Variants in DBF4B observed in about 807,000 individuals in gnomAD.
DBF4B encodes the protein protein DBF4 homolog B.
In DBF4B, 49 loss-of-function variants were observed where a neutral mutation model predicts 53.4. The ratio of observed to expected loss-of-function variants is 0.92; its 90% CI spans 0.73 to 1.16. The LOEUF (loss-of-function observed/expected upper bound fraction) is 1.16, where lower values mean the gene tolerates loss of function less well. Ranked by LOEUF, DBF4B falls within the 50% of genes most tolerant of loss-of-function variation. The pLI, the probability that DBF4B is intolerant of heterozygous loss-of-function variation, is 0.00. For synonymous variants in DBF4B, 257 were observed against 288.7 expected (o/e 0.89, Z 1.11); for missense variants, 692 against 775.0 (o/e 0.89, Z 1.27).
intron 2 of DBF4B, among the ~76,000 whole-genome samples, chr17:44,712,382 G>A (rs1297068170): frequency 8.0e-6 from 1 of 124,636 alleles, no homozygotes; most frequent in Non-Finnish European, 1.6e-5. Context: ...TCGGCTCACT[G>A]CAACCTCTGC....
At chr17:44,728,851 C>G (rs1974580413) in intron 3 of DBF4B, among the ~76,000 whole-genome samples, 1 of 151,990 alleles carries the variant, frequency 6.6e-6, no homozygotes. Flanking sequence ...AATCCCAACA[C>G]TTTGGGAGGC....
chr17:44,727,610 A>C (rs1974469530), intron 3 of DBF4B, among the ~76,000 whole-genome samples: 1 of 152,184 alleles, frequency 6.6e-6, no homozygotes, highest in Non-Finnish European at 1.5e-5. Flanking sequence ...CCATAATTAC[A>C]TTTTGAACTT....
At chr17:44,715,490 C>G (rs917295887) in intron 2 of DBF4B, among the ~76,000 whole-genome samples, 3 of 152,124 alleles carry the variant, frequency 2.0e-5, no homozygotes, top group Middle Eastern at 3.2e-3. Context: ...AGCCACCACA[C>G]CCGGCCAGTT....
At chr17:44,739,892 G>A (rs1157057889) in intron 9 of DBF4B, among the ~76,000 whole-genome samples, 15 of 152,126 alleles carry the variant, frequency 9.9e-5, no homozygotes, top group Admixed American at 9.8e-4. Context: ...TGCCTCCCGA[G>A]TAGCTGGGAC....
At chr17:44,715,450 G>C (rs929434719) in intron 2 of DBF4B, among the ~76,000 whole-genome samples, 4 of 151,828 alleles carry the variant, frequency 2.6e-5, no homozygotes, top group Non-Finnish European at 4.4e-5. Context: ...ACCCATCTCA[G>C]CCTCCCAAAG....
intron 2 of DBF4B, among the ~76,000 whole-genome samples, chr17:44,710,972 T>C (rs55716526): frequency 0.045 from 6,136 of 135,794 alleles, 226 homozygotes; most frequent in Non-Finnish European, 0.071. Flanking sequence ...TTTATTCCAG[T>C]TTGATTTTTT....
chr17:44,712,031 A>G (rs1040262498), intron 2 of DBF4B, among the ~76,000 whole-genome samples: 1 of 147,128 alleles, frequency 6.8e-6, no homozygotes, highest in African/African-American at 2.5e-5. Flanking sequence ...CAGGAGGTGG[A>G]GGTTGCAGTG....
At chr17:44,747,275 C>T (rs2049128825) in intron 11 of DBF4B, 84 bp downstream of exon 11, 1 of 1,594,096 alleles carries the variant, frequency 6.3e-7, no homozygotes, top group South Asian at 1.1e-5. Context: ...CCTATGCGAT[C>T]TCTATGCTGC....
At chr17:44,726,655 G>A (rs150994484) in intron 3 of DBF4B, among the ~76,000 whole-genome samples, 5 of 151,924 alleles carry the variant, frequency 3.3e-5, no homozygotes, top group East Asian at 3.9e-4. Flanking sequence ...CATCATTTGC[G>A]GTGGGAATAT....
Position 44,750,760 on chromosome 17 carries a change from C to T in DBF4B, c.1355C>T (p.Thr452Ile). 1 of 1,614,208 alleles carries T rather than the reference C, an allele frequency of 6.2e-7. No homozygotes were observed. Among genetic ancestry groups the T allele is most frequent in the Non-Finnish European group, 8.5e-7 (1 of 1,180,038 alleles). The change falls in exon 14 of 14, where the codon ACC becomes ATC. Residue 452 changes from threonine to isoleucine, a missense_variant. By Grantham distance (89) the Thr-to-Ile change is moderately conservative. Transcript: ENST00000315005. ...CTCTGTCCCTGCCCAGCCTCCTTTACCCAGTCTCATCTGGTCACTTCCTTG... is the reference window on the plus strand; with the variant it reads ...CTCTGTCCCTGCCCAGCCTCCTTTATCCAGTCTCATCTGGTCACTTCCTTG... ...GCLCPCPASF[T>I]QSHLVTSLAL...
intron 10 of DBF4B, 63 bp downstream of exon 10, chr17:44,741,515 G>A (rs191184674): frequency 5.2e-6 from 6 of 1,162,592 alleles, no homozygotes; most frequent in African/African-American, 4.7e-5. Context: ...CCCCATCGGG[G>A]GCCTGCTGGT....
intron 6 of DBF4B, 200 bp downstream of exon 6, chr17:44,732,465 C>G (rs141850831): frequency 1.7e-6 from 1 of 588,634 alleles, no homozygotes; most frequent in African/African-American, 1.9e-5. Context: ...GCTGTGGCCT[C>G]GGCATCCCGC....
chr17:44,744,865 C>G (rs184485609), intron 10 of DBF4B, among the ~76,000 whole-genome samples: 28 of 152,142 alleles, frequency 1.8e-4, no homozygotes, highest in African/African-American at 6.5e-4. Context: ...GTTTGAATCT[C>G]TTTTTATGTG....
At chr17:44,750,332 T>G in intron 13 of DBF4B, 2 of 1,265,856 alleles carry the variant, frequency 1.6e-6, no homozygotes, top group Non-Finnish European at 2.0e-6. Context: ...TCTCTTTAAA[T>G]GTTGAAGCTT....
intron 8 of DBF4B, among the ~76,000 whole-genome samples, chr17:44,737,687 G>A (rs901121705): frequency 1.3e-5 from 2 of 152,130 alleles, no homozygotes; most frequent in Non-Finnish European, 2.9e-5. Flanking sequence ...TGATGCCTAA[G>A]GGATTTTGTA....
intron 3 of DBF4B, among the ~76,000 whole-genome samples, chr17:44,726,295 TA>T (rs1287973869): frequency 3.6e-5 from 5 of 139,136 alleles, no homozygotes; most frequent in African/African-American, 8.6e-5. Flanking sequence ...GGCCCTTTTT[TA>T]TTTATTTATT....
At chr17:44,750,256 T>C (rs1339269913) in intron 13 of DBF4B, 1 of 1,049,612 alleles carries the variant, frequency 9.5e-7, no homozygotes, top group Admixed American at 5.3e-5. Flanking sequence ...GGCCACTTTT[T>C]CTTTCATTAC....
At chr17:44,713,658 AAC>A (rs1322036554) in intron 2 of DBF4B, among the ~76,000 whole-genome samples, 2 of 152,094 alleles carry the variant, frequency 1.3e-5, no homozygotes, top group East Asian at 3.9e-4. Flanking sequence ...CAAAAAAACA[AAC>A]AAACAAAACA....
Position 44,751,244 on chromosome 17 carries a change from C to T in DBF4B, c.1839C>T (p.Asp613=), listed in dbSNP as rs2049273153. The T allele has an allele frequency of 5.6e-6, 9 of 1,612,504 alleles. No homozygotes were observed. The Middle Eastern group carries it at 1.2e-3, about 206-fold the overall frequency. ...TCCATTGCGGCTTCCTGGCTGTAGACTCAGGTTAGAGGTGAACCCAGAACA... is the reference window on the plus strand; with the variant it reads ...TCCATTGCGGCTTCCTGGCTGTAGATTCAGGTTAGAGGTGAACCCAGAACA... The part of the protein sequence containing the change: ...PFLHCGFLAV[D]SG The change falls in exon 14 of 14, where the codon GAC becomes GAT. Residue 613 remains aspartate (D), a synonymous_variant. Coordinates refer to ENST00000315005, the MANE Select transcript of DBF4B (RefSeq NM_145663.3).
Sources: gnomAD v4.1 joint callset for allele counts (sites outside exome capture counted in the v4.1 genomes callset) on GRCh38, gnomAD v4.1.1 for gene constraint, MANE v1.5 for transcripts, NCBI Gene and HGNC (gene_info 2026-07-23, HGNC 2026-07-21) for gene names.